Variants in ATP8B1 observed in about 807,000 individuals in gnomAD.
The protein encoded by ATP8B1 is ATPase phospholipid transporting 8B1.
Under a neutral mutation model 149.9 loss-of-function variants are expected in ATP8B1, and 80 were observed. The observed-to-expected ratio is 0.53, with a 90% CI of 0.45 to 0.64. ATP8B1 has a LOEUF of 0.64. ATP8B1 is among the 30% of genes least tolerant of loss of function. The pLI is 0.00. For missense variants in ATP8B1, 1,247 were observed against 1,552.6 expected (o/e 0.80, Z 3.31); for synonymous variants, 536 against 562.8 (o/e 0.95, Z 0.67).
intron 22 of ATP8B1, among the ~76,000 whole-genome samples, chr18:57,656,809 G>A (rs1221530226): frequency 2.0e-5 from 3 of 148,400 alleles, no homozygotes; most frequent in Non-Finnish European, 3.0e-5. Flanking sequence ...GAAGAGTGGG[G>A]AGAGAAGGGA....
chr18:57,725,658 ACGTGGTATTG>A (rs1384751334), intron 2 of ATP8B1, among the ~76,000 whole-genome samples: 1 of 152,162 alleles, frequency 6.6e-6, no homozygotes, highest in Admixed American at 6.5e-5. Flanking sequence ...AACCAAAACA[ACGTGGTATTG>A]GCATAAAAAC....
rs149004051 is a variant in ATP8B1 at position 57,658,110 on chromosome 18, G to C, written c.2708-2693C>G. Among the ~76,000 whole-genome samples, 984 of 151,380 alleles carry C rather than the reference G, an allele frequency of 6.5e-3. 20 individuals carry two copies. The highest frequency in any genetic ancestry group is 0.023 in the African/African-American group (948 of 41,254). Reference sequence around the variant, plus strand: ...CGCCCAGGCTGGAGTGCAGTGGTGCGATCTTGGCTCAATGCAACCTCTGCC... The same window carrying C: ...CGCCCAGGCTGGAGTGCAGTGGTGCCATCTTGGCTCAATGCAACCTCTGCC... On this transcript the variant is annotated intron_variant, in intron 22 of 27. Transcript: ENST00000648908.
At chr18:57,679,908 G>A (rs1182286888) in intron 15 of ATP8B1, among the ~76,000 whole-genome samples, 10 of 151,880 alleles carry the variant, frequency 6.6e-5, no homozygotes, top group Admixed American at 2.6e-4. Context: ...CAGGTGATCC[G>A]CCTACCTCAG....
chr18:57,690,794 C>T (rs776714987), intron 12 of ATP8B1, among the ~76,000 whole-genome samples: 2 of 152,172 alleles, frequency 1.3e-5, no homozygotes, highest in Non-Finnish European at 2.9e-5. Flanking sequence ...TAAGAATGAA[C>T]TCTGGCTGCT....
At chr18:57,801,389 G>A (rs1427363723) in intron 1 of ATP8B1, among the ~76,000 whole-genome samples, 1 of 152,170 alleles carries the variant, frequency 6.6e-6, no homozygotes, top group East Asian at 1.9e-4. Context: ...GCAGGCAGGC[G>A]TGACTTCTCC....
intron 2 of ATP8B1, among the ~76,000 whole-genome samples, chr18:57,719,616 C>T (rs971500439): frequency 1.4e-4 from 21 of 152,210 alleles, no homozygotes; most frequent in Admixed American, 5.2e-4. Flanking sequence ...CCTACGCCCA[C>T]GGAATCTCAC....
At chr18:57,684,514 C>T (rs538333862) in intron 14 of ATP8B1, among the ~76,000 whole-genome samples, 20 of 152,196 alleles carry the variant, frequency 1.3e-4, no homozygotes, top group African/African-American at 4.6e-4. Flanking sequence ...CGGGCATGCA[C>T]CACCATACCT....
chr18:57,658,121 A>G (rs570653096), intron 22 of ATP8B1, among the ~76,000 whole-genome samples: 88 of 151,530 alleles, frequency 5.8e-4, no homozygotes, highest in Non-Finnish European at 8.8e-4. Context: ...ATCTTGGCTC[A>G]ATGCAACCTC....
chr18:57,670,114 A>G (rs1478342516), intron 17 of ATP8B1, among the ~76,000 whole-genome samples: 1 of 151,908 alleles, frequency 6.6e-6, no homozygotes, highest in East Asian at 1.9e-4. Context: ...AGACCAAGGG[A>G]GCTGCCTTGG....
intron 1 of ATP8B1, among the ~76,000 whole-genome samples, chr18:57,760,825 C>T (rs1599205593): frequency 6.6e-6 from 1 of 151,776 alleles, no homozygotes; most frequent in Non-Finnish European, 1.5e-5. Flanking sequence ...CCCGTCTCTA[C>T]TAAAAATACA....
chr18:57,751,336 A>G (rs1304225559), intron 1 of ATP8B1, among the ~76,000 whole-genome samples: 2 of 151,844 alleles, frequency 1.3e-5, no homozygotes, highest in African/African-American at 4.8e-5. Flanking sequence ...ATATATATAT[A>G]TACTAAATTT....
chr18:57,801,856 C>A (rs911231278), intron 1 of ATP8B1: 5 of 152,374 alleles, frequency 3.3e-5, no homozygotes, highest in African/African-American at 9.6e-5. Flanking sequence ...TCTGGAGCTA[C>A]CCAGGAAGAG....
At chr18:57,725,582 A>C (rs1258856418) in intron 2 of ATP8B1, among the ~76,000 whole-genome samples, 1 of 152,218 alleles carries the variant, frequency 6.6e-6, no homozygotes, top group East Asian at 1.9e-4. Context: ...CAGCTAATCT[A>C]AGCCAAAAGA....
At chr18:57,747,475 A>G (rs563995412) in intron 1 of ATP8B1, among the ~76,000 whole-genome samples, 35 of 151,538 alleles carry the variant, frequency 2.3e-4, no homozygotes, top group African/African-American at 7.3e-4. Flanking sequence ...AAAAAGAGAA[A>G]GAAAGAAAAG....
chr18:57,661,382 C>T lies in ATP8B1; in HGVS notation c.2499G>A (p.Arg833=). The T allele has an allele frequency of 6.2e-7, 1 of 1,613,934 alleles. No individual in the cohort carries two copies. Among genetic ancestry groups the T allele is most frequent in the Non-Finnish European group, 8.5e-7 (1 of 1,180,018 alleles). ...LKFPRTEEER[R]MRTQSKRRLE... is the part of the protein sequence containing the mutation. ...GCCTCCTTTTACTTTGGGTCCGCAT[C>T]CGTCTTTCTTCTTCTGTTCTTGGGA... Residue 833 remains arginine (R), a synonymous_variant, in exon 22 of 28, where the codon CGG becomes CGA. Coordinates refer to ENST00000648908, the MANE Select transcript of ATP8B1 (RefSeq NM_001374385.1).
At chr18:57,787,119 G>A (rs1421292711) in intron 1 of ATP8B1, among the ~76,000 whole-genome samples, 1 of 152,160 alleles carries the variant, frequency 6.6e-6, no homozygotes, top group Non-Finnish European at 1.5e-5. Flanking sequence ...TAATATTCAT[G>A]TTAAATTCTC....
chr18:57,691,749 T>C, intron 12 of ATP8B1, 58 bp downstream of exon 12: 1 of 1,584,818 alleles, frequency 6.3e-7, no homozygotes, highest in South Asian at 1.1e-5. Context: ...AGGCACTATG[T>C]TGGGAGAAGG....
At position 57,661,213 on chromosome 18, in the gene ATP8B1, C is replaced by A; in HGVS notation, c.2668G>T (p.Ala890Ser). ...VKRYKKAITL[A>S]IGDGANDVNM... The stretch of plus-strand genomic sequence containing the variant: ...ACGTCATTGGCCCCATCTCCGATGG[C>A]CAGCGTGATGGCTTTCTTGTACCTC... The change falls in exon 22 of 28, where the codon GCC becomes TCC. Residue 890 changes from alanine (A) to serine (S), a missense_variant. Ala to Ser is a moderately conservative substitution (Grantham distance 99). Around this residue, in one of 3 missense-constraint regions of ATP8B1, gnomAD observed 230 missense variants for 356.6 expected, o/e 0.65. Coordinates refer to ENST00000648908, the MANE Select transcript of ATP8B1 (RefSeq NM_001374385.1). The A allele has an allele frequency of 1.9e-6, 3 of 1,614,032 alleles. No individual in the cohort carries two copies. The highest frequency in any genetic ancestry group is 2.5e-6 in the Non-Finnish European group (3 of 1,180,030).
rs530727191 is a variant in ATP8B1 at position 57,751,030 on chromosome 18, C to T, written c.-25-19198G>A. On this transcript the variant is annotated intron_variant, in intron 1 of 27. Coordinates refer to ENST00000648908, the MANE Select transcript of ATP8B1 (RefSeq NM_001374385.1). ...CCCAGCCACTTGGGATTCCGAGGCA[C>T]AAGAATTGCTTGAGCCCAGGAGGCA... 7.9e-5 allele frequency among the ~76,000 whole-genome samples: 12 copies of T among 152,166 alleles called. No homozygotes were observed. In the South Asian group the frequency reaches 2.3e-3, roughly 29 times the overall value.
Sources: gnomAD v4.1 joint callset for allele counts (sites outside exome capture counted in the v4.1 genomes callset) on GRCh38, gnomAD v4.1.1 for gene constraint, gnomAD v4.1.1 regional missense constraint, MANE v1.5 for transcripts, NCBI Gene and HGNC (gene_info 2026-07-23, HGNC 2026-07-21) for gene names.